The following SCAPER variants were observed in gnomAD, a reference collection of about 807,000 sequenced individuals.
SCAPER encodes S phase cyclin A-associated protein in the endoplasmic reticulum.
SCAPER carries 98 observed loss-of-function variants against 182.2 expected under a neutral mutation model. That is an observed-to-expected ratio of 0.54 (90% CI 0.46 to 0.64). SCAPER has a LOEUF of 0.64. SCAPER is among the 30% of genes least tolerant of loss of function. SCAPER has a pLI of 0.00. For missense variants in SCAPER, 1,432 were observed against 1,690.0 expected (o/e 0.85, Z 2.68); for synonymous variants, 605 against 564.6 (o/e 1.07, Z -1.01).
At chr15:76,814,913 A>G (rs772027806) in intron 5 of SCAPER, among the ~76,000 whole-genome samples, 52 of 126,132 alleles carry the variant, frequency 4.1e-4, no homozygotes, top group Middle Eastern at 4.8e-3. Flanking sequence ...ACACAATTCA[A>G]TAACAGGAAA....
At chr15:76,419,193 C>G (rs187542856) in intron 26 of SCAPER, among the ~76,000 whole-genome samples, 34 of 152,262 alleles carry the variant, frequency 2.2e-4, no homozygotes, top group Middle Eastern at 3.4e-3. Context: ...AAAGCCAACA[C>G]ACGGTACCCA....
chr15:76,690,830 A>G (rs1035563537), intron 20 of SCAPER, among the ~76,000 whole-genome samples: 1 of 152,156 alleles, frequency 6.6e-6, no homozygotes, highest in African/African-American at 2.4e-5. Context: ...TATTAAGTCC[A>G]GAAAATGAGA....
At chr15:76,780,253 G>A (rs1226846682) in intron 8 of SCAPER, among the ~76,000 whole-genome samples, 1 of 152,256 alleles carries the variant, frequency 6.6e-6, no homozygotes, top group Admixed American at 6.5e-5. Flanking sequence ...CAGGTCTCAC[G>A]CCCATGGAGC....
intron 26 of SCAPER, among the ~76,000 whole-genome samples, chr15:76,431,565 C>A (rs2046855262): frequency 6.7e-6 from 1 of 149,862 alleles, no homozygotes; most frequent in Non-Finnish European, 1.5e-5. Context: ...GGAGCCCTTT[C>A]TACTCAACTT....
rs370676534 is a variant in SCAPER, at chr15:76,684,536, A to G, written c.2508+17222T>C. On this transcript the variant is annotated intron_variant, in intron 20 of 31. Coordinates refer to ENST00000563290, the MANE Select transcript of SCAPER (RefSeq NM_020843.4). ...AATTTTAAGATATTAAAAATAAAAA[A>G]AACCTTAGGGAAGACTAAAAATAAA... is the stretch of plus-strand genomic sequence containing the variant. Among the ~76,000 whole-genome samples, 4 of 152,114 alleles carry G rather than the reference A, an allele frequency of 2.6e-5. No individual in the cohort carries two copies. The East Asian group carries it at 5.8e-4, about 22-fold the overall frequency.
intron 25 of SCAPER, among the ~76,000 whole-genome samples, chr15:76,444,557 C>T (rs1054543490): frequency 2.6e-5 from 4 of 152,204 alleles, no homozygotes; most frequent in Non-Finnish European, 5.9e-5. Flanking sequence ...GGGCTTAAGT[C>T]CAACAATTTA....
chr15:76,419,000 G>C (rs1378034886), intron 26 of SCAPER, among the ~76,000 whole-genome samples: 2 of 152,230 alleles, frequency 1.3e-5, no homozygotes, highest in Non-Finnish European at 2.9e-5. Flanking sequence ...TAGTGTCTCA[G>C]ACCTCTGCAC....
chr15:76,578,673 G>C (rs1013307741), intron 22 of SCAPER, among the ~76,000 whole-genome samples: 1 of 152,220 alleles, frequency 6.6e-6, no homozygotes, highest in South Asian at 2.1e-4. Context: ...CCCAAATGCA[G>C]ATATAACTGC....
intron 2 of SCAPER, among the ~76,000 whole-genome samples, chr15:76,863,368 T>C: frequency 6.6e-6 from 1 of 152,224 alleles, no homozygotes. Flanking sequence ...AGTTCACCAC[T>C]GGGCCAGCCC....
chr15:76,746,930 T>C (rs1046532216), intron 15 of SCAPER, among the ~76,000 whole-genome samples: 2 of 152,158 alleles, frequency 1.3e-5, no homozygotes, highest in Admixed American at 6.5e-5. Flanking sequence ...AAGATGGTAA[T>C]ACTACTCAAA....
At chr15:76,814,025 G>C (rs1022265139) in intron 5 of SCAPER, among the ~76,000 whole-genome samples, 2 of 152,062 alleles carry the variant, frequency 1.3e-5, no homozygotes, top group African/African-American at 4.8e-5. Flanking sequence ...AAAATTAGCT[G>C]GGCATGGTGG....
intron 2 of SCAPER, among the ~76,000 whole-genome samples, chr15:76,870,662 A>C (rs2072650342): frequency 6.6e-6 from 1 of 152,082 alleles, no homozygotes; most frequent in South Asian, 2.1e-4. Flanking sequence ...TTAGTGAATT[A>C]GTTAGACTAA....
At chr15:76,707,912 G>A (rs1224866066) in intron 17 of SCAPER, among the ~76,000 whole-genome samples, 1 of 151,982 alleles carries the variant, frequency 6.6e-6, no homozygotes, top group Non-Finnish European at 1.5e-5. Context: ...AACCACAAAC[G>A]ACTGCATTAT....
intron 15 of SCAPER, among the ~76,000 whole-genome samples, chr15:76,743,679 C>A (rs1260403754): frequency 6.6e-6 from 1 of 152,002 alleles, no homozygotes; most frequent in African/African-American, 2.4e-5. Flanking sequence ...ATCCCATGTG[C>A]ATGTATTAGA....
intron 23 of SCAPER, among the ~76,000 whole-genome samples, chr15:76,529,728 G>A (rs990143335): frequency 2.2e-4 from 34 of 152,266 alleles, no homozygotes; most frequent in African/African-American, 8.0e-4. Flanking sequence ...TGACATATCC[G>A]AAGAATGGCA....
intron 20 of SCAPER, among the ~76,000 whole-genome samples, chr15:76,700,682 C>G (rs2058893910): frequency 6.6e-6 from 1 of 152,120 alleles, no homozygotes; most frequent in Non-Finnish European, 1.5e-5. Flanking sequence ...TTCCTGTTTC[C>G]CCTTCTTTTA....
chr15:76,476,859 G>T, intron 24 of SCAPER, among the ~76,000 whole-genome samples: 1 of 151,972 alleles, frequency 6.6e-6, no homozygotes, highest in Non-Finnish European at 1.5e-5. Context: ...TTCTCATCCT[G>T]TGGATATAAA....
At chr15:76,484,548 A>C (rs2051431745) in intron 24 of SCAPER, among the ~76,000 whole-genome samples, 2 of 152,290 alleles carry the variant, frequency 1.3e-5, no homozygotes, top group South Asian at 4.1e-4. Context: ...TGCACAGCTG[A>C]ATTCTACCAG....
intron 15 of SCAPER, among the ~76,000 whole-genome samples, chr15:76,752,842 T>A (rs984182073): frequency 6.6e-6 from 1 of 151,606 alleles, no homozygotes; most frequent in Admixed American, 6.6e-5. Flanking sequence ...AACCACTGAA[T>A]TGTATACTTA....
Sources: allele counts gnomAD v4.1 joint callset (sites outside exome capture counted in the v4.1 genomes callset), GRCh38; gene constraint gnomAD v4.1.1; transcripts MANE v1.5; gene names NCBI Gene and HGNC (gene_info 2026-07-23, HGNC 2026-07-21).